Variants in DOCK2 observed in about 807,000 individuals in gnomAD.
DOCK2 encodes the protein dedicator of cytokinesis 2.
Under a neutral mutation model 248.9 loss-of-function variants are expected in DOCK2, and 87 were observed. That is an observed-to-expected ratio of 0.35 (90% confidence interval 0.29 to 0.42). The LOEUF (loss-of-function observed/expected upper bound fraction) is 0.42. DOCK2 is among the 10% of genes least tolerant of loss of function. The pLI, the probability that DOCK2 is intolerant of heterozygous loss-of-function variation, is 1.00. For missense variants in DOCK2, 1,747 were observed against 2,300.2 expected (o/e 0.76, Z 4.92); for synonymous variants, 805 against 821.6 (o/e 0.98, Z 0.35).
chr5:169,916,647 G>A (rs1774889059), intron 27 of DOCK2, among the ~76,000 whole-genome samples: 1 of 150,976 alleles, frequency 6.6e-6, no homozygotes, highest in South Asian at 2.1e-4. Context: ...GCACATAGTA[G>A]GTATTAGGTT....
intron 36 of DOCK2, among the ~76,000 whole-genome samples, chr5:170,036,938 GA>G (rs1756343643): frequency 6.6e-6 from 1 of 151,500 alleles, no homozygotes; most frequent in Admixed American, 6.6e-5. Flanking sequence ...GTTTTGAAGG[GA>G]AAAAAAAGAT....
chr5:169,659,868 G>T (rs1319997355), intron 2 of DOCK2, among the ~76,000 whole-genome samples: 4 of 152,142 alleles, frequency 2.6e-5, no homozygotes, highest in Non-Finnish European at 5.9e-5. Context: ...TTTCCCCCCA[G>T]TCACTTCCTC....
In DOCK2 at chr5:169,996,171, A is replaced by G; in HGVS notation, c.3072+7A>G. The G allele has an allele frequency of 1.9e-6, 3 of 1,613,558 alleles. No individual in the cohort carries two copies. Among genetic ancestry groups the G allele is most frequent in the South Asian group, 2.2e-5 (2 of 91,048 alleles). ...CACGAACTTTGAGTTCCAGGTGAGT[A>G]TAAGCCACCAGAGCTACCCTTGGAG... On this transcript the variant is annotated splice_region_variant and intron_variant, in intron 30 of 51. Coordinates refer to ENST00000520908, the MANE Select transcript of DOCK2 (RefSeq NM_004946.3).
chr5:169,875,585 G>A lies in DOCK2; in HGVS notation c.2799+34733G>A, dbSNP rs555430856. On this transcript the variant is annotated intron_variant, in intron 27 of 51. Transcript: ENST00000520908. ...TCCAGAATAATTGTGCAAGTGCCTC[G>A]CCTCTCTCAGCTTCAATTGCCTAAT... The A allele has an allele frequency of 4.8e-5, 11 of 230,760 alleles. No homozygotes were observed. In the South Asian group the frequency reaches 4.8e-4, roughly 10 times the overall value. 14.3% of individuals were successfully genotyped at this position (230,760 alleles called of 1,614,324 possible). A position where few individuals can be genotyped will look rare whatever the true frequency, so the allele number is the denominator to read the frequency against.
chr5:169,644,163 G>C (rs1452417941), intron 1 of DOCK2, among the ~76,000 whole-genome samples: 1 of 152,142 alleles, frequency 6.6e-6, no homozygotes, highest in African/African-American at 2.4e-5. Context: ...TGAGGTCCTT[G>C]GCTTTTACTC....
At chr5:169,746,415 T>G (rs1581131335) in intron 22 of DOCK2, among the ~76,000 whole-genome samples, 1 of 152,214 alleles carries the variant, frequency 6.6e-6, no homozygotes, top group East Asian at 1.9e-4. Flanking sequence ...ACCTGTTAAG[T>G]GTGTCAGTGC....
At chr5:170,026,422 C>T (rs184448655) in intron 33 of DOCK2, among the ~76,000 whole-genome samples, 3 of 152,290 alleles carry the variant, frequency 2.0e-5, no homozygotes, top group Admixed American at 1.3e-4. Flanking sequence ...GATCCGTGAC[C>T]TCCAGACTTC....
intron 34 of DOCK2, among the ~76,000 whole-genome samples, chr5:170,033,606 A>G (rs758161726): frequency 9.2e-5 from 14 of 152,152 alleles, no homozygotes; most frequent in Non-Finnish European, 1.6e-4. Flanking sequence ...ACTTTTTGAT[A>G]TTCCTGACCA....
intron 1 of DOCK2, among the ~76,000 whole-genome samples, chr5:169,648,317 T>A (rs1204024387): frequency 6.6e-6 from 1 of 151,922 alleles, no homozygotes; most frequent in Non-Finnish European, 1.5e-5. Context: ...ACAAGAAAAA[T>A]GTCTCCAGAC....
chr5:169,978,507 T>C (rs1032139250), intron 27 of DOCK2, among the ~76,000 whole-genome samples: 7 of 151,972 alleles, frequency 4.6e-5, no homozygotes, highest in African/African-American at 1.5e-4. Context: ...ATGATGATGA[T>C]GAATTTTTTA....
chr5:170,034,383 C>T lies in DOCK2; in HGVS notation c.3468-16C>T, dbSNP rs1182380285. 1 of 1,613,562 alleles carries T rather than the reference C, an allele frequency of 6.2e-7. No individual in the cohort carries two copies. Among genetic ancestry groups the T allele is most frequent in the African/African-American group, 1.3e-5 (1 of 74,922 alleles). ...TCCCCAGCCATGAGCTCACTGCCCT[C>T]TGGTCTCTGCCGCAGCCTGATGGAA... On this transcript the variant is annotated splice_polypyrimidine_tract_variant and intron_variant, in intron 34 of 51. Coordinates refer to ENST00000520908, the MANE Select transcript of DOCK2 (RefSeq NM_004946.3).
At chr5:169,774,436 A>G (rs1765267975) in intron 25 of DOCK2, among the ~76,000 whole-genome samples, 1 of 152,174 alleles carries the variant, frequency 6.6e-6, no homozygotes, top group Non-Finnish European at 1.5e-5. Context: ...AAAACTTGCC[A>G]GTTAAGGAGG....
intron 27 of DOCK2, chr5:169,883,431 A>G (rs751425136): frequency 8.4e-6 from 13 of 1,551,566 alleles, no homozygotes; most frequent in Non-Finnish European, 1.0e-5. Flanking sequence ...CATCCTCAAG[A>G]TGCTGAGCCA....
intron 2 of DOCK2, among the ~76,000 whole-genome samples, chr5:169,656,140 A>T (rs1180646067): frequency 1.3e-5 from 2 of 152,170 alleles, no homozygotes; most frequent in African/African-American, 2.4e-5. Context: ...AGTGGCAGAT[A>T]AGCAAACTGT....
intron 29 of DOCK2, among the ~76,000 whole-genome samples, chr5:169,987,773 A>C (rs887361769): frequency 6.6e-6 from 1 of 152,208 alleles, no homozygotes; most frequent in Non-Finnish European, 1.5e-5. Flanking sequence ...AATCTCTCCT[A>C]AATAGAAATC....
Position 169,679,856 on chromosome 5 carries a change from G to A in DOCK2, c.471-1888G>A, listed in dbSNP as rs546062218. The stretch of plus-strand genomic sequence containing the variant: ...CGCCTCTCAATTCGATTCTCTGATA[G>A]AGATGAAGACTTAGTTTCCTTCATT... On this transcript the variant is annotated intron_variant, in intron 6 of 51. Coordinates refer to ENST00000520908, the MANE Select transcript of DOCK2 (RefSeq NM_004946.3). Among the ~76,000 whole-genome samples the A allele has an allele frequency of 3.9e-5, 6 of 152,338 alleles. 1 individual carries two copies. The highest frequency in any genetic ancestry group is 1.4e-4 in the African/African-American group (6 of 41,584).
intron 27 of DOCK2, among the ~76,000 whole-genome samples, chr5:169,931,177 G>T (rs6862278): frequency 6.6e-6 from 1 of 152,108 alleles, no homozygotes; most frequent in Non-Finnish European, 1.5e-5. Flanking sequence ...AGTCATGAAA[G>T]TTACCTTCCT....
chr5:169,692,900 C>T (rs1288316149), intron 9 of DOCK2, among the ~76,000 whole-genome samples: 1 of 152,154 alleles, frequency 6.6e-6, no homozygotes, highest in African/African-American at 2.4e-5. Flanking sequence ...ACCAGTCATA[C>T]TGACCAAACA....
At chr5:169,870,939 G>T (rs1771927435) in intron 27 of DOCK2, among the ~76,000 whole-genome samples, 1 of 152,120 alleles carries the variant, frequency 6.6e-6, no homozygotes, top group African/African-American at 2.4e-5. Context: ...CACAGTTCTG[G>T]AGGTGGGAAG....
Sources: gnomAD v4.1 joint callset for allele counts (sites outside exome capture counted in the v4.1 genomes callset) on GRCh38, gnomAD v4.1.1 for gene constraint, MANE v1.5 for transcripts, NCBI Gene and HGNC (gene_info 2026-07-23, HGNC 2026-07-21) for gene names.